The following NME5 variants were observed in gnomAD, a reference collection of about 807,000 sequenced individuals.
The protein encoded by NME5 is nucleoside diphosphate kinase 5.
A neutral mutation model predicts 21.6 loss-of-function variants in NME5; 18 were observed. That is an observed-to-expected ratio of 0.83 (90% CI 0.58 to 1.24). The LOEUF is 1.24. NME5 is among the 50% of genes most tolerant of loss of function. NME5 has a pLI of 0.00. For missense variants in NME5, 223 were observed against 255.4 expected (o/e 0.87, Z 0.86); for synonymous variants, 70 against 80.6 (o/e 0.87, Z 0.71).
intron 3 of NME5, 28 bp from the exon 4 acceptor site, chr5:138,128,607 T>G: frequency 5.3e-6 from 8 of 1,518,446 alleles, no homozygotes; most frequent in Non-Finnish European, 7.3e-6. Flanking sequence ...ATGACGTCCA[T>G]CCAATCTAAC....
intron 4 of NME5, among the ~76,000 whole-genome samples, chr5:138,119,390 G>T (rs903172566): frequency 6.6e-6 from 1 of 151,888 alleles, no homozygotes; most frequent in African/African-American, 2.4e-5. Context: ...TAGAGGCAGG[G>T]TTTCACCATG....
At chr5:138,119,040 G>GT (rs1220586680) in intron 4 of NME5, 104 bp from the exon 5 acceptor site, 6 of 649,204 alleles carry the variant, frequency 9.2e-6, no homozygotes, top group African/African-American at 5.7e-5. Flanking sequence ...TTTTTTATAT[G>GT]TTTTTTTGAG....
intron 2 of NME5, among the ~76,000 whole-genome samples, chr5:138,133,296 C>T (rs189274186): frequency 1.3e-5 from 2 of 151,584 alleles, no homozygotes; most frequent in East Asian, 1.9e-4. Context: ...TTAGTAGAGA[C>T]GGGGTTTCAC....
chr5:138,123,985 CTTTTTTTTTTTTTT>C (rs70979583), intron 4 of NME5, among the ~76,000 whole-genome samples: 7 of 37,212 alleles, frequency 1.9e-4, no homozygotes, highest in Non-Finnish European at 2.6e-4. Context: ...ATTTTGAGCA[CTTTTTTTTTTTTTT>C]TTTTTTTTTT....
intron 2 of NME5, among the ~76,000 whole-genome samples, chr5:138,134,443 C>T (rs1450934099): frequency 2.6e-5 from 4 of 151,844 alleles, no homozygotes; most frequent in Non-Finnish European, 5.9e-5. Context: ...GGGGCTTCAC[C>T]ATGTTGGCCA....
intron 4 of NME5, among the ~76,000 whole-genome samples, chr5:138,126,176 G>A (rs574386610): frequency 7.2e-5 from 11 of 152,186 alleles, no homozygotes; most frequent in Admixed American, 1.3e-4. Flanking sequence ...CATGCCTAGC[G>A]GATTAATTTA....
At chr5:138,139,277 G>T in intron 1 of NME5, 94 bp downstream of exon 1, 1 of 757,058 alleles carries the variant, frequency 1.3e-6, no homozygotes, top group Non-Finnish European at 1.6e-6. Flanking sequence ...CTGTGCATAG[G>T]GTCAGGCTAA....
intron 2 of NME5, among the ~76,000 whole-genome samples, chr5:138,129,683 TGCG>T (rs1751514967): frequency 6.6e-6 from 1 of 152,112 alleles, no homozygotes; most frequent in Admixed American, 6.6e-5. Flanking sequence ...TATGGCCGGG[TGCG>T]GTGGCTCATG....
chr5:138,137,660 C>T (rs972994042), intron 2 of NME5, among the ~76,000 whole-genome samples: 6 of 151,206 alleles, frequency 4.0e-5, no homozygotes, highest in African/African-American at 1.5e-4. Flanking sequence ...AGCAATATGA[C>T]ACTGTATAAA....
chr5:138,127,180 A>C (rs1232775765), intron 4 of NME5, among the ~76,000 whole-genome samples: 2 of 152,130 alleles, frequency 1.3e-5, no homozygotes, highest in African/African-American at 2.4e-5. Flanking sequence ...ACTGTACAGA[A>C]AGGAGGGAAG....
chr5:138,130,109 G>A (rs1002724918), intron 2 of NME5, among the ~76,000 whole-genome samples: 6 of 152,168 alleles, frequency 3.9e-5, no homozygotes, highest in Non-Finnish European at 5.9e-5. Context: ...TTTGGGAGCT[G>A]GTCTCATTTT....
chr5:138,128,986 T>G (rs945223261), intron 3 of NME5, among the ~76,000 whole-genome samples: 20 of 152,180 alleles, frequency 1.3e-4, no homozygotes, highest in Admixed American at 5.2e-4. Flanking sequence ...AAATCCTACT[T>G]CAGTGGCAGT....
intron 4 of NME5, among the ~76,000 whole-genome samples, chr5:138,122,355 G>A (rs1252733638): frequency 2.7e-5 from 4 of 146,840 alleles, no homozygotes; most frequent in Non-Finnish European, 4.5e-5. Context: ...CAGGAGAATC[G>A]CTTGAACCCA....
At chr5:138,133,943 C>A (rs1306911579) in intron 2 of NME5, among the ~76,000 whole-genome samples, 1 of 152,108 alleles carries the variant, frequency 6.6e-6, no homozygotes, top group African/African-American at 2.4e-5. Context: ...CTTAATGCAA[C>A]TGAAATGTAC....
intron 2 of NME5, among the ~76,000 whole-genome samples, chr5:138,137,650 A>G (rs543933996): frequency 6.6e-6 from 1 of 151,914 alleles, no homozygotes; most frequent in African/African-American, 2.4e-5. Context: ...TGACTGAATA[A>G]GCAATATGAC....
intron 2 of NME5, among the ~76,000 whole-genome samples, chr5:138,138,116 G>A (rs1035117740): frequency 7.2e-5 from 11 of 152,160 alleles, no homozygotes; most frequent in African/African-American, 1.7e-4. Context: ...GAATGACAAT[G>A]TTTACTAATT....
chr5:138,125,508 G>A lies in NME5; in HGVS notation c.436+2971C>T, dbSNP rs1466125261. Among the ~76,000 whole-genome samples the A allele has an allele frequency of 2.6e-5, 4 of 152,190 alleles. No individual in the cohort carries two copies. In the East Asian group the frequency reaches 7.7e-4, roughly 29 times the overall value. On this transcript the variant is annotated intron_variant, in intron 4 of 5. Transcript: ENST00000265191. ...GTAGGAGGATTGCTTGAGGACAAGA[G>A]TTTAAGGTTGTAGTGAGCTATGATT...
chr5:138,117,091 C>T (rs1448540935), intron 5 of NME5, among the ~76,000 whole-genome samples: 1 of 151,014 alleles, frequency 6.6e-6, no homozygotes. Context: ...CTCCTGTGGT[C>T]CCAGCTACTT....
chr5:138,131,102 C>G (rs1008481153), intron 2 of NME5, among the ~76,000 whole-genome samples: 1 of 149,656 alleles, frequency 6.7e-6, no homozygotes, highest in Admixed American at 6.7e-5. Context: ...CGCAGTGACT[C>G]ACGCCTGTAA....
Sources: gnomAD v4.1 joint callset for allele counts (sites outside exome capture counted in the v4.1 genomes callset) on GRCh38, gnomAD v4.1.1 for gene constraint, MANE v1.5 for transcripts, NCBI Gene and HGNC (gene_info 2026-07-23, HGNC 2026-07-21) for gene names.